The following PGS1 variants were observed in gnomAD, a reference collection of about 807,000 sequenced individuals.
The protein encoded by PGS1 is CDP-diacylglycerol--glycerol-3-phosphate 3-phosphatidyltransferase, mitochondrial.
A neutral mutation model predicts 58.3 loss-of-function variants in PGS1; 44 were observed. The ratio of observed to expected loss-of-function variants is 0.75; its 90% CI spans 0.59 to 0.97. The LOEUF (loss-of-function observed/expected upper bound fraction) is 0.97. Ranked by LOEUF, PGS1 falls within the 50% of genes least tolerant of loss-of-function variation. The pLI is 0.00. For synonymous variants in PGS1, 330 were observed against 311.0 expected (o/e 1.06, Z -0.64); for missense variants, 684 against 731.1 (o/e 0.94, Z 0.74).
Position 78,384,023 on chromosome 17 carries a change from A to G in PGS1, c.143+5215A>G, listed in dbSNP as rs370149395. ...AGGCTGACTGAAGCCCTTTGGAGTCATAGAACATGCGATTGGTTCTCGTCA... is the reference window on the plus strand; with the variant it reads ...AGGCTGACTGAAGCCCTTTGGAGTCGTAGAACATGCGATTGGTTCTCGTCA... On this transcript the variant is annotated intron_variant, in intron 1 of 9. Coordinates refer to ENST00000262764, the MANE Select transcript of PGS1 (RefSeq NM_024419.5). 1.4e-3 allele frequency among the ~76,000 whole-genome samples: 217 copies of G among 152,368 alleles called. 2 individuals are homozygous for G. The highest frequency in any genetic ancestry group is 4.8e-3 in the African/African-American group (201 of 41,598).
intron 6 of PGS1, among the ~76,000 whole-genome samples, chr17:78,402,274 G>GT (rs1006135091): frequency 3.9e-5 from 6 of 152,150 alleles, no homozygotes; most frequent in Non-Finnish European, 7.3e-5. Context: ...CTCCTTCCCT[G>GT]TTTCACTTCC....
chr17:78,402,868 G>T (rs1390973005), intron 6 of PGS1, among the ~76,000 whole-genome samples: 1 of 152,070 alleles, frequency 6.6e-6, no homozygotes, highest in Non-Finnish European at 1.5e-5. Context: ...GCTTTGTCTT[G>T]TCTGATAATA....
chr17:78,385,806 G>A (rs2082343768), intron 1 of PGS1, among the ~76,000 whole-genome samples: 1 of 152,188 alleles, frequency 6.6e-6, no homozygotes, highest in Non-Finnish European at 1.5e-5. Context: ...TGATTATTGT[G>A]AGCTCAGTTC....
chr17:78,403,389 A>G (rs1330237568), intron 6 of PGS1, among the ~76,000 whole-genome samples, 179 bp from the exon 7 acceptor site: 2 of 152,134 alleles, frequency 1.3e-5, no homozygotes, highest in African/African-American at 2.4e-5. Context: ...TCTTGGGCAA[A>G]CTATATCCCC....
At chr17:78,395,765 A>C (rs1445247350) in intron 2 of PGS1, among the ~76,000 whole-genome samples, 1 of 152,182 alleles carries the variant, frequency 6.6e-6, no homozygotes, top group African/African-American at 2.4e-5. Flanking sequence ...TTGAGACAGA[A>C]TCTTGCTCTG....
intron 1 of PGS1, among the ~76,000 whole-genome samples, chr17:78,389,840 T>C (rs1345638384): frequency 6.6e-6 from 1 of 151,700 alleles, no homozygotes; most frequent in Admixed American, 6.6e-5. Flanking sequence ...GGTTTTGAAC[T>C]CCTGACCTCA....
rs545886323 is a variant in PGS1 at position 78,379,991 on chromosome 17, C to T, written c.143+1183C>T. Reference sequence around the variant, plus strand: ...AAGCGATTCTCCTGCCTCAGCCTCCCGAGTAGCTGGGATTACAGACATAAG... The same window carrying T: ...AAGCGATTCTCCTGCCTCAGCCTCCTGAGTAGCTGGGATTACAGACATAAG... On this transcript the variant is annotated intron_variant, in intron 1 of 9. Coordinates refer to ENST00000262764, the MANE Select transcript of PGS1 (RefSeq NM_024419.5). Among the ~76,000 whole-genome samples, 219 of 151,584 alleles carry T rather than the reference C, an allele frequency of 1.4e-3. 2 individuals are homozygous for T. Among genetic ancestry groups the T allele is most frequent in the African/African-American group, 4.9e-3 (201 of 41,356 alleles).
chr17:78,415,936 G>A (rs145667885), intron 8 of PGS1, among the ~76,000 whole-genome samples: 5 of 152,242 alleles, frequency 3.3e-5, no homozygotes, highest in Non-Finnish European at 7.3e-5. Context: ...GCAGGCCAGA[G>A]CCCAGAGGCA....
Position 78,389,053 on chromosome 17 carries a change from C to CTTTTTTTTT in PGS1, c.144-3409_144-3401dup, listed in dbSNP as rs5822252. Among the ~76,000 whole-genome samples the CTTTTTTTTT allele has an allele frequency of 2.9e-4, 28 of 95,994 alleles. 1 individual carries two copies. The highest frequency in any genetic ancestry group is 5.6e-4 in the African/African-American group (13 of 23,210). 63.0% of individuals were successfully genotyped at this position (95,994 alleles called of 152,430 possible). A position where few individuals can be genotyped will look rare whatever the true frequency, so the allele number is the denominator to read the frequency against. On this transcript the variant is annotated intron_variant, in intron 1 of 9. Transcript: ENST00000262764. ...TGCCAAGGAGTGTTTCCTCTTCTTC[C>CTTTTTTTTT]TTTTTTTTTTTTTTTTTTTTTTGCG... is the stretch of plus-strand genomic sequence containing the variant.
At chr17:78,402,866 T>C (rs2083800464) in intron 6 of PGS1, among the ~76,000 whole-genome samples, 1 of 152,198 alleles carries the variant, frequency 6.6e-6, no homozygotes, top group Non-Finnish European at 1.5e-5. Flanking sequence ...CAGCTTTGTC[T>C]TGTCTGATAA....
At chr17:78,380,121 C>T (rs1462575241) in intron 1 of PGS1, among the ~76,000 whole-genome samples, 2 of 152,108 alleles carry the variant, frequency 1.3e-5, no homozygotes, top group Non-Finnish European at 2.9e-5. Flanking sequence ...CTGCCTCGGC[C>T]TCCCAAAGTG....
In PGS1 at chr17:78,424,050, G is replaced by A. The variant is rs1177377632; in HGVS notation, c.*11-11G>A. 1.1e-5 allele frequency: 18 copies of A among 1,614,070 alleles called. No individual in the cohort carries two copies. The highest frequency in any genetic ancestry group is 1.5e-5 in the Non-Finnish European group (18 of 1,179,904). On this transcript the variant is annotated splice_polypyrimidine_tract_variant and intron_variant, in intron 9 of 9. Coordinates refer to ENST00000262764, the MANE Select transcript of PGS1 (RefSeq NM_024419.5). Reference sequence around the variant, plus strand: ...ACTCATAGATGTTCTTGGTCTCCATGCGGTCCACAGGAATGGCCTTGATGA... The same window carrying A: ...ACTCATAGATGTTCTTGGTCTCCATACGGTCCACAGGAATGGCCTTGATGA...
intron 8 of PGS1, among the ~76,000 whole-genome samples, chr17:78,416,361 C>T (rs1329086374): frequency 6.6e-6 from 1 of 152,236 alleles, no homozygotes; most frequent in Non-Finnish European, 1.5e-5. Context: ...TGGACTTCTA[C>T]TTCAATTGCA....
At position 78,403,967 on chromosome 17, in the gene PGS1, C is replaced by T. The variant is rs1374787644; in HGVS notation, c.1280C>T (p.Ala427Val). ...GFFGAKGVAG[A>V]IPAAYVHIER... ...TTTGGGGCCAAGGGGGTGGCCGGCG[C>T]CATCCCAGCGGCCTATGTGCACATC... is the stretch of plus-strand genomic sequence containing the variant. Residue 427 changes from alanine (A) to valine (V), a missense_variant, in exon 7 of 10, where the codon GCC (alanine) becomes GTC (valine). Ala to Val is a moderately conservative substitution (Grantham distance 64). Transcript: ENST00000262764. The T allele has an allele frequency of 1.2e-6, 2 of 1,614,006 alleles. No individual in the cohort carries two copies. Among genetic ancestry groups the T allele is most frequent in the Admixed American group, 1.7e-5 (1 of 60,008 alleles).
intron 2 of PGS1, among the ~76,000 whole-genome samples, chr17:78,396,062 CG>C (rs1436644334): frequency 6.6e-6 from 1 of 152,198 alleles, no homozygotes; most frequent in African/African-American, 2.4e-5. Flanking sequence ...TCTTAATGGC[CG>C]TGTTGCATTT....
At chr17:78,408,870 A>G (rs1225269418) in intron 7 of PGS1, among the ~76,000 whole-genome samples, 1 of 151,326 alleles carries the variant, frequency 6.6e-6, no homozygotes, top group African/African-American at 2.4e-5. Flanking sequence ...TAGAATTTGG[A>G]CTCTTAACGG....
chr17:78,401,158 A>T (rs1246095278), intron 6 of PGS1, among the ~76,000 whole-genome samples: 2 of 152,130 alleles, frequency 1.3e-5, no homozygotes, highest in African/African-American at 4.8e-5. Flanking sequence ...AGGCAAGGGT[A>T]TGCAGCAGCG....
At chr17:78,411,489 C>T (rs145057133) in intron 7 of PGS1, among the ~76,000 whole-genome samples, 70 of 152,264 alleles carry the variant, frequency 4.6e-4, no homozygotes, top group African/African-American at 1.4e-3. Flanking sequence ...GAGTAGCAGC[C>T]GCCTCTGCTT....
At chr17:78,382,627 C>G (rs2082105783) in intron 1 of PGS1, 1 of 142,806 alleles carries the variant, frequency 7.0e-6, no homozygotes, top group Non-Finnish European at 1.5e-5. Flanking sequence ...CATCCGGCTA[C>G]ACAGAATGGT....
Sources: gnomAD v4.1 joint callset for allele counts (sites outside exome capture counted in the v4.1 genomes callset) on GRCh38, gnomAD v4.1.1 for gene constraint, MANE v1.5 for transcripts, NCBI Gene and HGNC (gene_info 2026-07-23, HGNC 2026-07-21) for gene names.